BFSP2: variants seen among roughly 807,000 people sequenced by gnomAD.
BFSP2 encodes the protein phakinin.
BFSP2 carries 38 observed loss-of-function variants against 44.9 expected under a neutral mutation model. The observed-to-expected ratio is 0.85, with a 90% CI of 0.65 to 1.11. The LOEUF (loss-of-function observed/expected upper bound fraction) is 1.11. Ranked by LOEUF, BFSP2 falls within the 50% of genes least tolerant of loss-of-function variation. The pLI is 0.00. For synonymous variants in BFSP2, 197 were observed against 209.9 expected (o/e 0.94, Z 0.53); for missense variants, 525 against 533.0 (o/e 0.99, Z 0.15).
intron 1 of BFSP2, among the ~76,000 whole-genome samples, chr3:133,422,580 C>G (rs1229455616): frequency 6.6e-6 from 1 of 152,194 alleles, no homozygotes; most frequent in Non-Finnish European, 1.5e-5. Flanking sequence ...CATCTCTGAG[C>G]AGTGGATGAA....
intron 1 of BFSP2, among the ~76,000 whole-genome samples, chr3:133,438,545 CA>C (rs902121784): frequency 6.7e-6 from 1 of 150,082 alleles, no homozygotes. Flanking sequence ...AGAAACAAAA[CA>C]AAAAAAGAAA....
At position 133,406,810 on chromosome 3, in the gene BFSP2, G is replaced by A. The variant is rs114018109; in HGVS notation, c.489+6238G>A. Among the ~76,000 whole-genome samples, 255 of 151,646 alleles carry A rather than the reference G, an allele frequency of 1.7e-3. 1 individual carries two copies. Among genetic ancestry groups the A allele is most frequent in the African/African-American group, 6.0e-3 (250 of 41,354 alleles). Reference sequence around the variant, plus strand: ...TGGTATAAGAATTGGAAAGAAAGAGGGAAAAATTTGGTCTTTCTGGAAATC... The same window carrying A: ...TGGTATAAGAATTGGAAAGAAAGAGAGAAAAATTTGGTCTTTCTGGAAATC... On this transcript the variant is annotated intron_variant, in intron 1 of 6. Coordinates refer to ENST00000302334, the MANE Select transcript of BFSP2 (RefSeq NM_003571.4).
chr3:133,450,125 A>AGAAATTACACTTACGCTGG (rs1315105926), intron 3 of BFSP2, among the ~76,000 whole-genome samples, 178 bp from the exon 4 acceptor site: 4 of 152,068 alleles, frequency 2.6e-5, no homozygotes, highest in Non-Finnish European at 4.4e-5. Flanking sequence ...TTGGGAAAAG[A>AGAAATTACACTTACGCTGG]GAAATTACAC....
At chr3:133,403,690 G>T (rs886628571) in intron 1 of BFSP2, among the ~76,000 whole-genome samples, 1 of 152,168 alleles carries the variant, frequency 6.6e-6, no homozygotes, top group Non-Finnish European at 1.5e-5. Flanking sequence ...GCTTTCAGAG[G>T]GGGAGAAGAG....
intron 1 of BFSP2, among the ~76,000 whole-genome samples, chr3:133,404,516 G>A (rs147602736): frequency 9.9e-5 from 15 of 152,260 alleles, no homozygotes; most frequent in South Asian, 2.1e-4. Flanking sequence ...TCCAATGGCC[G>A]GTAAGAAAGG....
At chr3:133,440,644 G>A (rs1396620805) in intron 1 of BFSP2, among the ~76,000 whole-genome samples, 1 of 152,126 alleles carries the variant, frequency 6.6e-6, no homozygotes, top group Non-Finnish European at 1.5e-5. Context: ...AGAACTTGGG[G>A]GGACAGAGAG....
chr3:133,449,972 G>GAAAGAAAGAAAGAAAGAAA (rs1559976005), intron 3 of BFSP2, among the ~76,000 whole-genome samples: 41 of 114,700 alleles, frequency 3.6e-4, no homozygotes, highest in African/African-American at 1.3e-3. Flanking sequence ...AGAGAAAGAA[G>GAAAGAAAGAAAGAAAGAAA]GAAAGAAGGA....
chr3:133,419,309 G>A (rs774212606), intron 1 of BFSP2, among the ~76,000 whole-genome samples: 4 of 152,172 alleles, frequency 2.6e-5, no homozygotes, highest in African/African-American at 9.7e-5. Context: ...GGAAGGACAC[G>A]ATTCAGCCCG....
Position 133,400,075 on chromosome 3 carries a change from G to A in BFSP2, c.-9G>A. 1.2e-6 allele frequency: 2 copies of A among 1,614,170 alleles called. No homozygotes were observed. Among genetic ancestry groups the A allele is most frequent in the Non-Finnish European group, 1.7e-6 (2 of 1,180,042 alleles). ...AAACCCACTGGGCACCACAGAGGCA[G>A]AAGGGGTGATGAGTGAGAGGCGAGT... On this transcript the variant is annotated 5_prime_UTR_variant, in exon 1 of 7. Coordinates refer to ENST00000302334, the MANE Select transcript of BFSP2 (RefSeq NM_003571.4). The surrounding 1 kb of genome is among the most constrained non-coding windows in gnomAD (Gnocchi z 4.0).
At chr3:133,421,735 C>T (rs562571984) in intron 1 of BFSP2, among the ~76,000 whole-genome samples, 2 of 152,340 alleles carry the variant, frequency 1.3e-5, no homozygotes, top group South Asian at 2.1e-4. Flanking sequence ...TGTCAACTGT[C>T]ATTTAAAAAT....
At chr3:133,403,634 G>T (rs534613118) in intron 1 of BFSP2, among the ~76,000 whole-genome samples, 1 of 152,318 alleles carries the variant, frequency 6.6e-6, no homozygotes, top group South Asian at 2.1e-4. Flanking sequence ...GAAGGTCAGA[G>T]CAGGCAACAA....
At chr3:133,450,069 A>AAAGG (rs202059180) in intron 3 of BFSP2, among the ~76,000 whole-genome samples, 8 of 147,836 alleles carry the variant, frequency 5.4e-5, no homozygotes, top group African/African-American at 1.5e-4. Context: ...AGAGAGAAGG[A>AAAGG]AAGGAAGGAA....
intron 1 of BFSP2, chr3:133,410,026 C>T (rs548040286): frequency 2.2e-5 from 4 of 183,112 alleles, no homozygotes; most frequent in Non-Finnish European, 5.0e-5. Context: ...TTCAACAGGA[C>T]GAAGTTGCCT....
At chr3:133,432,793 A>G (rs2073736775) in intron 1 of BFSP2, among the ~76,000 whole-genome samples, 2 of 152,122 alleles carry the variant, frequency 1.3e-5, no homozygotes, top group Non-Finnish European at 1.5e-5. Context: ...AGCACCTTCT[A>G]CAAAACAACA....
At chr3:133,470,508 T>C (rs931580122) in intron 5 of BFSP2, among the ~76,000 whole-genome samples, 3 of 152,222 alleles carry the variant, frequency 2.0e-5, no homozygotes, top group African/African-American at 7.2e-5. Flanking sequence ...GTTAAAACTA[T>C]TGGAAAATGT....
At chr3:133,435,015 A>G (rs1202823482) in intron 1 of BFSP2, among the ~76,000 whole-genome samples, 1 of 152,214 alleles carries the variant, frequency 6.6e-6, no homozygotes, top group Non-Finnish European at 1.5e-5. Flanking sequence ...GAATTTAGCA[A>G]TGTTAGTGCA....
intron 3 of BFSP2, among the ~76,000 whole-genome samples, chr3:133,449,972 G>GAAAGAAAGAAAGAAA (rs1559976005): frequency 1.5e-4 from 17 of 114,698 alleles, no homozygotes; most frequent in African/African-American, 6.1e-4. Flanking sequence ...AGAGAAAGAA[G>GAAAGAAAGAAAGAAA]GAAAGAAGGA....
intron 1 of BFSP2, among the ~76,000 whole-genome samples, chr3:133,440,644 G>C (rs1396620805): frequency 1.3e-5 from 2 of 152,126 alleles, no homozygotes; most frequent in Non-Finnish European, 2.9e-5. Flanking sequence ...AGAACTTGGG[G>C]GGACAGAGAG....
intron 6 of BFSP2, among the ~76,000 whole-genome samples, chr3:133,474,261 T>A (rs2074192647): frequency 6.6e-6 from 1 of 152,190 alleles, no homozygotes. Flanking sequence ...TAGAGACAGC[T>A]TAGTGATTGT....
Sources: gnomAD v4.1 joint callset for allele counts (sites outside exome capture counted in the v4.1 genomes callset) on GRCh38, gnomAD v4.1.1 for gene constraint, Gnocchi (gnomAD v3.1) non-coding constraint, MANE v1.5 for transcripts, NCBI Gene and HGNC (gene_info 2026-07-23, HGNC 2026-07-21) for gene names.